Variants in POMGNT1 observed in about 807,000 individuals in gnomAD.
POMGNT1 encodes the protein protein O-linked mannose N-acetylglucosaminyltransferase 1 (beta 1,2-).
In POMGNT1, 67 loss-of-function variants were observed where a neutral mutation model predicts 95.6. The ratio of observed to expected loss-of-function variants is 0.70; its 90% CI spans 0.58 to 0.86. The LOEUF is 0.86. Among genes scored for constraint, POMGNT1 ranks in the 40% least tolerant of loss-of-function variants. The probability of loss-of-function intolerance (pLI) is 0.00; values close to 1 mark genes in which losing one functional copy is unlikely to be tolerated. For missense variants in POMGNT1, 719 were observed against 855.2 expected (o/e 0.84, Z 1.99); for synonymous variants, 298 against 317.9 (o/e 0.94, Z 0.66).
chr1:46,214,055 G>A (rs1376464529), intron 1 of POMGNT1, among the ~76,000 whole-genome samples: 1 of 151,996 alleles, frequency 6.6e-6, no homozygotes, highest in Non-Finnish European at 1.5e-5. Flanking sequence ...ATAGGAAAAA[G>A]CAACTTGAGG....
chr1:46,200,052 C>A (rs900736690), upstream of POMGNT1, among the ~76,000 whole-genome samples: 1 of 152,068 alleles, frequency 6.6e-6, no homozygotes, highest in Non-Finnish European at 1.5e-5. Context: ...CGCCTATAAT[C>A]GTAGCTACTC....
chr1:46,210,941 A>ATTT (rs34921411), intron 1 of POMGNT1, among the ~76,000 whole-genome samples: 2 of 134,452 alleles, frequency 1.5e-5, no homozygotes, highest in Non-Finnish European at 1.6e-5. Context: ...CACTCACCTA[A>ATTT]TTTTTTTTTT....
intron 1 of POMGNT1, among the ~76,000 whole-genome samples, chr1:46,212,264 C>T (rs1454175717): frequency 1.3e-5 from 2 of 151,674 alleles, no homozygotes; most frequent in African/African-American, 4.8e-5. Flanking sequence ...CCATGTATAA[C>T]ATAAACAACC....
intron 1 of POMGNT1, chr1:46,203,490 A>C: frequency 6.5e-7 from 1 of 1,535,146 alleles, no homozygotes. Flanking sequence ...GGTGGGCAGG[A>C]AGACCCCTGA....
At position 46,192,309 on chromosome 1, in the gene POMGNT1, T is replaced by C; in HGVS notation, c.1412A>G (p.Lys471Arg). Residue 471 changes from lysine to arginine, a missense_variant and splice_region_variant, in exon 16 of 22, where the codon AAG becomes AGG. Transcript: ENST00000371984. Reference protein sequence around the residue: ...ELEPKWPTPEKLWDWDMWMRM... With the variant: ...ELEPKWPTPERLWDWDMWMRM... ...CCCTCACCCTACCCTGACAGTTACC[T>C]TTTCCGGTGTAGGCCACTTGGGCTC... 6.2e-7 allele frequency: 1 copy of C among 1,614,138 alleles called. No individual in the cohort carries two copies. Among genetic ancestry groups the C allele is most frequent in the South Asian group, 1.1e-5 (1 of 91,080 alleles).
chr1:46,193,536 C>T (rs1375475328), intron 11 of POMGNT1, 28 bp downstream of exon 11: 13 of 1,614,142 alleles, frequency 8.1e-6, no homozygotes, highest in Non-Finnish European at 1.1e-5. Flanking sequence ...TTGTACTCCA[C>T]CCGAGGCACC....
At chr1:46,220,260 C>G (rs1659200107) in exon 1 of POMGNT1, 2 of 1,543,904 alleles carry the variant, frequency 1.3e-6, no homozygotes, top group Non-Finnish European at 1.7e-6. Flanking sequence ...GCTCTTTTAT[C>G]CATTAGATGT....
At chr1:46,191,701 C>G (rs1420237155) in intron 17 of POMGNT1, 1 of 331,940 alleles carries the variant, frequency 3.0e-6, no homozygotes, top group Non-Finnish European at 5.9e-6. Flanking sequence ...GTGGCGTGAT[C>G]TTGGCTCACA....
intron 1 of POMGNT1, 57 bp from the exon 2 acceptor site, chr1:46,197,928 T>G: frequency 6.5e-7 from 1 of 1,542,356 alleles, no homozygotes. Flanking sequence ...TCTGATGCCT[T>G]CTGGGGAGAT....
exon 1 of POMGNT1, chr1:46,219,919 A>G (rs994831403): frequency 1.3e-5 from 21 of 1,614,054 alleles, no homozygotes; most frequent in Non-Finnish European, 1.7e-5. Flanking sequence ...GACCGGCTGG[A>G]CAGTGTCTCT....
In POMGNT1 at chr1:46,196,943, C is replaced by T. The variant is rs766360033; in HGVS notation, c.235+27G>A. 9.3e-6 allele frequency: 15 copies of T among 1,614,082 alleles called. No homozygotes were observed. Among genetic ancestry groups the T allele is most frequent in the Non-Finnish European group, 1.3e-5 (15 of 1,180,038 alleles). ...ACTCCAGCTGTGAGATCCAAGGCCC[C>T]CTACCCCATCCTTAGCCTAGCCCTA... On this transcript the variant is annotated intron_variant, in intron 3 of 21. Transcript: ENST00000371984. This position sits in a 1 kb window ranked among gnomAD's most constrained non-coding sequence, Gnocchi z 4.4.
chr1:46,210,264 C>T (rs938159003), intron 1 of POMGNT1, among the ~76,000 whole-genome samples: 2 of 152,006 alleles, frequency 1.3e-5, no homozygotes. Context: ...AAACCCTAAA[C>T]TGTGTGTGTG....
intron 20 of POMGNT1, 49 bp from the exon 21 acceptor site, chr1:46,189,616 GA>G: frequency 6.3e-7 from 1 of 1,579,122 alleles, no homozygotes; most frequent in South Asian, 1.1e-5. Flanking sequence ...GAGCTGTAGG[GA>G]GGGGTCACTG....
chr1:46,218,496 C>T (rs1659132366), intron 1 of POMGNT1, among the ~76,000 whole-genome samples: 1 of 152,202 alleles, frequency 6.6e-6, no homozygotes, highest in Non-Finnish European at 1.5e-5. Flanking sequence ...TAGAGATGGG[C>T]GAGAGCCACA....
In POMGNT1 at chr1:46,192,173, T is replaced by C. The variant is rs1157887321; in HGVS notation, c.1464A>G (p.Arg488=). The C allele has an allele frequency of 6.2e-7, 1 of 1,614,192 alleles. No individual in the cohort carries two copies. The highest frequency in any genetic ancestry group is 8.5e-7 in the Non-Finnish European group (1 of 1,180,032). Residue 488 remains arginine, a synonymous_variant, in exon 17 of 22, where the codon CGA becomes CGG. Transcript: ENST00000371984. ...WMRMPEQRRG[R]ECIIPDVSRS... is the part of the protein sequence containing the mutation. ...GGGAAACGTCAGGGATGATGCACTC[T>C]CGGCCCCGGCGTTGTTCAGGCATCC...
At chr1:46,192,620 G>A (rs1298527178) in intron 14 of POMGNT1, 30 bp from the exon 15 acceptor site, 2 of 1,612,376 alleles carry the variant, frequency 1.2e-6, no homozygotes, top group Admixed American at 1.7e-5. Flanking sequence ...AGAGTTCAGG[G>A]AGGGACAAGG....
At chr1:46,194,822 G>A in intron 7 of POMGNT1, 22 bp downstream of exon 7, 1 of 1,613,668 alleles carries the variant, frequency 6.2e-7, no homozygotes, top group Non-Finnish European at 8.5e-7. Context: ...ACTACAGAGT[G>A]GATGGCCTCT....
Position 46,196,450 on chromosome 1 carries a change from A to G in POMGNT1, c.354+281T>C, listed in dbSNP as rs1225764445. ...CAAGGCTGAGGCCAAAGAAAGGACC[A>G]GGGGATGGTTATAAAATAAATCAAT... is the stretch of plus-strand genomic sequence containing the variant. On this transcript the variant is annotated intron_variant, in intron 4 of 21. Coordinates refer to ENST00000371984, the MANE Select transcript of POMGNT1 (RefSeq NM_017739.4). The surrounding 1 kb of genome is among the most constrained non-coding windows in gnomAD (Gnocchi z 4.4). Among the ~76,000 whole-genome samples, 1 of 152,266 alleles carries G rather than the reference A, an allele frequency of 6.6e-6. No homozygotes were observed. The highest frequency in any genetic ancestry group is 1.5e-5 in the Non-Finnish European group (1 of 68,040).
upstream of POMGNT1, among the ~76,000 whole-genome samples, chr1:46,202,465 G>A (rs1658561405): frequency 6.6e-6 from 1 of 151,988 alleles, no homozygotes; most frequent in Admixed American, 6.6e-5. Flanking sequence ...GGCCAAGGCA[G>A]GCGGATCACT....
Sources: gnomAD v4.1 joint callset for allele counts (sites outside exome capture counted in the v4.1 genomes callset) on GRCh38, gnomAD v4.1.1 for gene constraint, Gnocchi (gnomAD v3.1) non-coding constraint, MANE v1.5 for transcripts, NCBI Gene and HGNC (gene_info 2026-07-23, HGNC 2026-07-21) for gene names.